Variants in CAMTA1 observed in about 807,000 individuals in gnomAD.
CAMTA1 encodes calmodulin binding transcription activator 1.
In CAMTA1, 27 loss-of-function variants were observed where a neutral mutation model predicts 170.9. The ratio of observed to expected loss-of-function variants is 0.16; its 90% CI spans 0.12 to 0.22. The LOEUF is 0.22. Ranked by LOEUF, CAMTA1 falls within the 10% of genes least tolerant of loss-of-function variation. The pLI, the probability that CAMTA1 is intolerant of heterozygous loss-of-function variation, is 1.00. For synonymous variants in CAMTA1, 833 were observed against 891.5 expected, an observed-to-expected ratio of 0.93 and a Z score of 1.17; for missense variants, 1,619 against 2,217.2, an observed-to-expected ratio of 0.73 and a Z score of 5.42.
intron 3 of CAMTA1, among the ~76,000 whole-genome samples, chr1:7,029,544 A>AC (rs1702513028): frequency 1.3e-5 from 2 of 151,854 alleles, no homozygotes; most frequent in South Asian, 4.2e-4. Context: ...GCTGCATTGA[A>AC]CAGGCTATTC....
intron 5 of CAMTA1, among the ~76,000 whole-genome samples, chr1:7,464,040 A>G (rs1368461016): frequency 2.0e-5 from 3 of 152,226 alleles, no homozygotes; most frequent in African/African-American, 7.2e-5. Flanking sequence ...TTTACCAAAA[A>G]ATTTTTCCTT....
In CAMTA1 at chr1:7,007,746, C is replaced by T. The variant is rs1054997946; in HGVS notation, c.235-83558C>T. ...TTCTGCCTCTTCCAGTGCTTTCCGA[C>T]CCTGTGCTTTTCTACCGACTTCTGG... On this transcript the variant is annotated intron_variant, in intron 3 of 22. Transcript: ENST00000303635. The surrounding 1 kb of genome is among the most constrained non-coding windows in gnomAD (Gnocchi z 4.5). 4.6e-5 allele frequency among the ~76,000 whole-genome samples: 7 copies of T among 152,196 alleles called. No homozygotes were observed. The highest frequency in any genetic ancestry group is 1.0e-4 in the Non-Finnish European group (7 of 68,036).
chr1:7,383,589 C>A (rs2087590890), intron 5 of CAMTA1, among the ~76,000 whole-genome samples: 1 of 152,226 alleles, frequency 6.6e-6, no homozygotes, highest in East Asian at 1.9e-4. Context: ...GCACTTAGAA[C>A]AACATAGGGC....
Position 7,665,100 on chromosome 1 carries a change from G to T in CAMTA1, c.2553G>T (p.Val851=). The T allele has an allele frequency of 2.0e-6, 3 of 1,536,378 alleles. No homozygotes were observed. Among genetic ancestry groups the T allele is most frequent in the Non-Finnish European group, 1.7e-6 (2 of 1,143,742 alleles). ...STMAYMHVAE[V]VSAASAQGTL... ...TGGCCTACATGCACGTCGCCGAGGTGGTCTCGGCCGCCTCGGCCCAGGGCA... is the reference window on the plus strand; with the variant it reads ...TGGCCTACATGCACGTCGCCGAGGTTGTCTCGGCCGCCTCGGCCCAGGGCA... The change falls in exon 9 of 23, where the codon GTG becomes GTT. Residue 851 remains valine, a synonymous_variant. Transcript: ENST00000303635. The surrounding 1 kb of genome is among the most constrained non-coding windows in gnomAD (Gnocchi z 4.3).
chr1:7,656,046 A>G lies in CAMTA1; in HGVS notation c.665-5680A>G, dbSNP rs376276258. Among the ~76,000 whole-genome samples, 18 of 152,338 alleles carry G rather than the reference A, an allele frequency of 1.2e-4. No individual in the cohort carries two copies. In the East Asian group the frequency reaches 3.5e-3, roughly 29 times the overall value. ...TTTTTCTTCGCCCTTCCACCATGCA[A>G]TGACCTAGCAAGAAGGCCCTCACCA... On this transcript the variant is annotated intron_variant, in intron 7 of 22. Transcript: ENST00000303635.
rs191669702 is a variant in CAMTA1, at chr1:7,511,346, C to T, written c.510+43445C>T. ...TTTCCTGTAATGTGGGGATCATCAC[C>T]CATATATTAAGTGTTATGAGAAAAA... On this transcript the variant is annotated intron_variant, in intron 6 of 22. Coordinates refer to ENST00000303635, the MANE Select transcript of CAMTA1 (RefSeq NM_015215.4). Among the ~76,000 whole-genome samples, 5 of 143,856 alleles carry T rather than the reference C, an allele frequency of 3.5e-5. 1 individual carries two copies. In the East Asian group the frequency reaches 1.1e-3, roughly 32 times the overall value. The allele number at this position is 143,856 out of a possible 152,430, so 94.4% of individuals were successfully genotyped here.
At chr1:7,690,158 C>T (rs2096294855) in intron 11 of CAMTA1, among the ~76,000 whole-genome samples, 1 of 152,198 alleles carries the variant, frequency 6.6e-6, no homozygotes, top group South Asian at 2.1e-4. Context: ...AGCGAAACTC[C>T]ATCTCAAAAT....
intron 3 of CAMTA1, among the ~76,000 whole-genome samples, chr1:6,831,040 G>T (rs1649872923): frequency 6.6e-6 from 1 of 151,098 alleles, no homozygotes; most frequent in South Asian, 2.1e-4. Flanking sequence ...GGATGGTCTC[G>T]ATCTCCTGAC....
rs577211734 is a variant in CAMTA1, at chr1:7,301,704, TG to T, written c.438+52083del. ...AGACTGGGACAGACATGATGAGTGCTGGGGGCGCCCAGGTCCGGGGTGCTCC... is the reference window on the plus strand; with the variant it reads ...AGACTGGGACAGACATGATGAGTGCTGGGGCGCCCAGGTCCGGGGTGCTCC... On this transcript the variant is annotated intron_variant, in intron 5 of 22. Coordinates refer to ENST00000303635, the MANE Select transcript of CAMTA1 (RefSeq NM_015215.4). Among the ~76,000 whole-genome samples, 582 of 152,302 alleles carry T rather than the reference TG, an allele frequency of 3.8e-3. 4 individuals carry two copies. Among genetic ancestry groups the T allele is most frequent in the African/African-American group, 0.013 (546 of 41,562 alleles).
intron 3 of CAMTA1, among the ~76,000 whole-genome samples, chr1:7,088,469 C>T (rs573607356): frequency 2.6e-5 from 4 of 152,314 alleles, no homozygotes; most frequent in South Asian, 2.1e-4. Context: ...TTTAACTGCA[C>T]GCTTCAAAGT....
intron 4 of CAMTA1, among the ~76,000 whole-genome samples, chr1:7,105,433 T>C (rs1480115749): frequency 6.6e-6 from 1 of 152,200 alleles, no homozygotes; most frequent in Non-Finnish European, 1.5e-5. Flanking sequence ...CCAGATCTGC[T>C]GGGAACTTCC....
chr1:7,321,610 C>A (rs1678432933), intron 5 of CAMTA1, among the ~76,000 whole-genome samples: 1 of 152,212 alleles, frequency 6.6e-6, no homozygotes, highest in Non-Finnish European at 1.5e-5. Context: ...CCTTCTTCTG[C>A]AAGCTGTCAG....
At chr1:7,662,008 C>T (rs564603964) in intron 8 of CAMTA1, 142 bp downstream of exon 8, 397 of 1,010,762 alleles carry the variant, frequency 3.9e-4, no homozygotes, top group South Asian at 1.6e-3. Context: ...GCGACACCAC[C>T]GCACCCAGCA....
chr1:7,397,917 G>A (rs980169107), intron 5 of CAMTA1, among the ~76,000 whole-genome samples: 1 of 151,732 alleles, frequency 6.6e-6, no homozygotes, highest in African/African-American at 2.4e-5. Context: ...GCCTATCTTG[G>A]AGAAAGTGCC....
intron 3 of CAMTA1, among the ~76,000 whole-genome samples, chr1:6,939,791 C>T (rs931002938): frequency 1.3e-5 from 2 of 152,266 alleles, no homozygotes; most frequent in African/African-American, 4.8e-5. Flanking sequence ...TTCATCTTGG[C>T]ACTTCCTCTC....
At chr1:7,675,831 C>T (rs1216025170) in intron 10 of CAMTA1, among the ~76,000 whole-genome samples, 1 of 151,964 alleles carries the variant, frequency 6.6e-6, no homozygotes, top group African/African-American at 2.4e-5. Flanking sequence ...GGTGATGGAA[C>T]TGCAGGAGCA....
In CAMTA1 at chr1:7,532,077, C is replaced by G. The variant is rs1409827116; in HGVS notation, c.510+64176C>G. ...AAAGGCAGAGAGGAAGGGGCAGGGG[C>G]GGCGAATGAGTGACAGAAAAGGAGG... On this transcript the variant is annotated intron_variant, in intron 6 of 22. Transcript: ENST00000303635. The surrounding 1 kb of genome is among the most constrained non-coding windows in gnomAD (Gnocchi z 4.2). 1.3e-5 allele frequency among the ~76,000 whole-genome samples: 2 copies of G among 152,154 alleles called. No homozygotes were observed. Among genetic ancestry groups the G allele is most frequent in the African/African-American group, 4.8e-5 (2 of 41,444 alleles).
At chr1:7,671,977 C>T in intron 10 of CAMTA1, 1 of 455,922 alleles carries the variant, frequency 2.2e-6, no homozygotes, top group Non-Finnish European at 4.4e-6. Context: ...CATCTGAAGC[C>T]TGTTTCTAGA....
intron 11 of CAMTA1, among the ~76,000 whole-genome samples, chr1:7,703,204 G>GGA (rs1261836356): frequency 4.6e-5 from 7 of 152,146 alleles, no homozygotes; most frequent in African/African-American, 1.4e-4. Context: ...ATTTGAGCTG[G>GGA]ACCTTGATGA....
Sources: gnomAD v4.1 joint callset for allele counts (sites outside exome capture counted in the v4.1 genomes callset) on GRCh38, gnomAD v4.1.1 for gene constraint, Gnocchi (gnomAD v3.1) non-coding constraint, MANE v1.5 for transcripts, NCBI Gene and HGNC (gene_info 2026-07-23, HGNC 2026-07-21) for gene names.